Variants in COL18A1 observed in about 807,000 individuals in gnomAD.
The protein encoded by COL18A1 is collagen type XVIII alpha 1 chain.
COL18A1 carries 133 observed loss-of-function variants against 168.0 expected under a neutral mutation model. The observed-to-expected ratio is 0.79, with a 90% CI of 0.69 to 0.91. The LOEUF is 0.91. Ranked by LOEUF, COL18A1 falls within the 40% of genes least tolerant of loss-of-function variation. The probability of loss-of-function intolerance (pLI) is 0.00; values close to 1 mark genes in which losing one functional copy is unlikely to be tolerated. For synonymous variants in COL18A1, 949 were observed against 809.0 expected (o/e 1.17, Z -2.94); for missense variants, 2,126 against 1,925.4 (o/e 1.10, Z -1.95).
intron 37 of COL18A1, chr21:45,506,350 C>T: frequency 2.8e-6 from 1 of 355,606 alleles, no homozygotes; most frequent in Non-Finnish European, 5.5e-6. Context: ...ACGGCCCCGG[C>T]TGGGGGGCAG....
At chr21:45,508,459 G>GTGGC (rs558362030) in intron 38 of COL18A1, among the ~76,000 whole-genome samples, 68 of 150,118 alleles carry the variant, frequency 4.5e-4, no homozygotes, top group African/African-American at 8.8e-4. Flanking sequence ...GAGTGGATGG[G>GTGGC]TGGATGGACA....
chr21:45,486,345 G>A (rs540821611), intron 15 of COL18A1, among the ~76,000 whole-genome samples: 15 of 123,542 alleles, frequency 1.2e-4, no homozygotes, highest in African/African-American at 5.7e-4. Flanking sequence ...GGGGAGCCAG[G>A]GCTGGTCCCA....
chr21:45,505,805 C>CCCCCCCCCCCCA, intron 36 of COL18A1, 33 bp from the exon 37 acceptor site: 1 of 1,562,786 alleles, frequency 6.4e-7, no homozygotes, highest in Non-Finnish European at 8.7e-7. Flanking sequence ...CCCTCCCCGC[C>CCCCCCCCCCCCA]AAGCCCCACA....
chr21:45,480,384 G>A, intron 11 of COL18A1, 83 bp from the exon 12 acceptor site: 1 of 1,611,564 alleles, frequency 6.2e-7, no homozygotes, highest in Non-Finnish European at 8.5e-7. Flanking sequence ...AGCTCGATAT[G>A]CAGCTTGCGG....
intron 2 of COL18A1, among the ~76,000 whole-genome samples, chr21:45,460,006 C>T (rs1391291191): frequency 1.3e-5 from 2 of 152,178 alleles, no homozygotes; most frequent in Non-Finnish European, 2.9e-5. Context: ...TCCAAGGAGT[C>T]CTACAGGCAA....
intron 2 of COL18A1, among the ~76,000 whole-genome samples, chr21:45,417,107 T>C (rs2033470882): frequency 6.6e-6 from 1 of 152,152 alleles, no homozygotes; most frequent in African/African-American, 2.4e-5. Context: ...GGCGGGTTGC[T>C]GTTTAGATAA....
chr21:45,508,937 G>A (rs1196851900), intron 38 of COL18A1, among the ~76,000 whole-genome samples: 1 of 152,148 alleles, frequency 6.6e-6, no homozygotes, highest in Non-Finnish European at 1.5e-5. Context: ...TCCGGACTGG[G>A]GTGCAGGCCT....
At chr21:45,499,762 T>TG (rs2036676902) in intron 32 of COL18A1, among the ~76,000 whole-genome samples, 1 of 151,968 alleles carries the variant, frequency 6.6e-6, no homozygotes, top group South Asian at 2.1e-4. Context: ...CTAACACTGG[T>TG]GGAGAGGCAG....
chr21:45,481,076 C>T (rs1241314763), intron 13 of COL18A1, among the ~76,000 whole-genome samples: 1 of 152,190 alleles, frequency 6.6e-6, no homozygotes, highest in Non-Finnish European at 1.5e-5. Flanking sequence ...GGGTGCTGAC[C>T]AGTGGGGGTG....
At chr21:45,470,454 G>GTTTTTTT in intron 3 of COL18A1, among the ~76,000 whole-genome samples, 1 of 71,960 alleles carries the variant, frequency 1.4e-5, no homozygotes, top group Admixed American at 1.5e-4. Flanking sequence ...TTTGACTATT[G>GTTTTTTT]GGATTGGATG....
At chr21:45,475,412 C>T (rs1448374476) in intron 4 of COL18A1, 64 bp from the exon 5 acceptor site, 7 of 1,458,582 alleles carry the variant, frequency 4.8e-6, no homozygotes, top group Middle Eastern at 2.4e-4. Flanking sequence ...CTTCCCAGGC[C>T]TGCCGGGCTC....
chr21:45,504,283 C>G (rs2037047912), intron 33 of COL18A1, 133 bp from the exon 34 acceptor site: 2 of 972,804 alleles, frequency 2.1e-6, no homozygotes, highest in East Asian at 2.6e-5. Flanking sequence ...GAGCCCTATT[C>G]TATGCAGCCA....
At position 45,457,510 on chromosome 21, in the gene COL18A1, T is replaced by C. The variant is rs1415720139; in HGVS notation, c.107-10732T>C. 2.0e-5 allele frequency among the ~76,000 whole-genome samples: 3 copies of C among 152,122 alleles called. No homozygotes were observed. Among genetic ancestry groups the C allele is most frequent in the Non-Finnish European group, 4.4e-5 (3 of 68,022 alleles). ...TCTGGGCCCAGGGGACGTTGCCCCA[T>C]CACCGTGTGGCCTGGCCTTGTTGCT... On this transcript the variant is annotated intron_variant, in intron 2 of 41. Transcript: ENST00000651438. The surrounding 1 kb of genome is among the most constrained non-coding windows in gnomAD (Gnocchi z 4.6).
chr21:45,474,593 T>TG (rs1262453921), intron 4 of COL18A1, among the ~76,000 whole-genome samples: 43 of 152,264 alleles, frequency 2.8e-4, no homozygotes, highest in African/African-American at 9.9e-4. Flanking sequence ...TGTGTGTTGG[T>TG]GGGGTGTGTG....
At chr21:45,497,007 C>T in intron 30 of COL18A1, 43 bp from the exon 31 acceptor site, 2 of 1,496,720 alleles carry the variant, frequency 1.3e-6, no homozygotes, top group Non-Finnish European at 1.9e-6. Flanking sequence ...GCCTCCATTT[C>T]AGAACATCGC....
At chr21:45,495,731 T>C (rs2036515270) in intron 29 of COL18A1, 1 of 406,070 alleles carries the variant, frequency 2.5e-6, no homozygotes. Flanking sequence ...CACACACACA[T>C]CCACACGTGC....
chr21:45,432,614 C>T (rs557409288), intron 2 of COL18A1, among the ~76,000 whole-genome samples: 31 of 152,342 alleles, frequency 2.0e-4, no homozygotes, highest in African/African-American at 7.0e-4. Flanking sequence ...CCAGTCAGAG[C>T]ATCTGGACCA....
At chr21:45,439,888 T>C (rs1041494514) in intron 2 of COL18A1, among the ~76,000 whole-genome samples, 3 of 151,986 alleles carry the variant, frequency 2.0e-5, no homozygotes, top group African/African-American at 2.4e-5. Flanking sequence ...TAGCAAGGAG[T>C]GGGAACTAGG....
intron 6 of COL18A1, among the ~76,000 whole-genome samples, chr21:45,476,943 G>GTA (rs1174654077): frequency 1.3e-5 from 2 of 151,980 alleles, no homozygotes; most frequent in Non-Finnish European, 2.9e-5. Flanking sequence ...GTGTGTGTGT[G>GTA]TGTGTGTGGC....
Sources: gnomAD v4.1 joint callset for allele counts (sites outside exome capture counted in the v4.1 genomes callset) on GRCh38, gnomAD v4.1.1 for gene constraint, Gnocchi (gnomAD v3.1) non-coding constraint, MANE v1.5 for transcripts, NCBI Gene and HGNC (gene_info 2026-07-23, HGNC 2026-07-21) for gene names.